DOCK1: variants seen among roughly 807,000 people sequenced by gnomAD.
DOCK1 encodes the protein dedicator of cytokinesis protein 1.
DOCK1 carries 138 observed loss-of-function variants against 262.7 expected under a neutral mutation model. The observed-to-expected ratio is 0.53, with a 90% CI of 0.46 to 0.61. The LOEUF (loss-of-function observed/expected upper bound fraction) is 0.61. Among genes scored for constraint, DOCK1 ranks in the 20% least tolerant of loss-of-function variants. DOCK1 has a pLI of 0.00. For synonymous variants in DOCK1, 866 were observed against 867.4 expected (o/e 1.00, Z 0.03); for missense variants, 1,908 against 2,370.7 (o/e 0.80, Z 4.05).
chr10:127,414,624 C>T (rs555953902), intron 43 of DOCK1, among the ~76,000 whole-genome samples: 1 of 152,228 alleles, frequency 6.6e-6, no homozygotes, highest in South Asian at 2.1e-4. Flanking sequence ...CTGCTCTTTC[C>T]ATATCTTTAT....
At chr10:127,261,731 G>T (rs990440207) in intron 29 of DOCK1, among the ~76,000 whole-genome samples, 3 of 129,574 alleles carry the variant, frequency 2.3e-5, no homozygotes, top group African/African-American at 6.0e-5. Flanking sequence ...GTGGGTGTGC[G>T]TGTGTGTACC....
At chr10:127,136,855 C>T (rs1048165053) in intron 27 of DOCK1, 1 of 152,452 alleles carries the variant, frequency 6.6e-6, no homozygotes, top group Non-Finnish European at 1.5e-5. Context: ...CAAAGCATAA[C>T]GAATTGTACA....
At chr10:127,186,111 G>A (rs1297308256) in intron 27 of DOCK1, among the ~76,000 whole-genome samples, 2 of 152,162 alleles carry the variant, frequency 1.3e-5, no homozygotes, top group African/African-American at 4.8e-5. Flanking sequence ...TGAATCACTG[G>A]CTTTCAGAGG....
intron 1 of DOCK1, among the ~76,000 whole-genome samples, chr10:126,942,855 A>G (rs1018595711): frequency 6.6e-6 from 1 of 152,312 alleles, no homozygotes; most frequent in Admixed American, 6.5e-5. Flanking sequence ...TACATGTTTC[A>G]TGACCTCAGT....
intron 27 of DOCK1, among the ~76,000 whole-genome samples, chr10:127,209,709 G>C (rs545316121): frequency 1.8e-4 from 28 of 152,318 alleles, no homozygotes; most frequent in Non-Finnish European, 3.5e-4. Context: ...ATCAGTAGGT[G>C]CTCCAGCAGA....
At chr10:126,945,483 G>C (rs1304105206) in intron 1 of DOCK1, among the ~76,000 whole-genome samples, 2 of 151,912 alleles carry the variant, frequency 1.3e-5, no homozygotes, top group Admixed American at 1.3e-4. Flanking sequence ...GAGAGAGAGA[G>C]AGAGAGTGCA....
intron 44 of DOCK1, among the ~76,000 whole-genome samples, chr10:127,416,909 C>T (rs1210620656): frequency 1.4e-4 from 5 of 36,012 alleles, no homozygotes; most frequent in East Asian, 7.6e-4. Flanking sequence ...GCAGGGTGCA[C>T]GTGGCTGGCC....
chr10:126,918,326 C>T (rs746813280), intron 1 of DOCK1, among the ~76,000 whole-genome samples: 9 of 152,378 alleles, frequency 5.9e-5, no homozygotes, highest in Non-Finnish European at 1.3e-4. Context: ...CTGCTGATGC[C>T]TGGGCTTGCA....
At chr10:127,281,596 T>C (rs1451963155) in intron 29 of DOCK1, among the ~76,000 whole-genome samples, 1 of 152,110 alleles carries the variant, frequency 6.6e-6, no homozygotes, top group African/African-American at 2.4e-5. Context: ...TCACCACATA[T>C]TAGAGATGAG....
chr10:127,153,865 ATGCACTGTTCC>A, intron 27 of DOCK1: 1 of 1,612,720 alleles, frequency 6.2e-7, no homozygotes, highest in African/African-American at 1.3e-5. Context: ...TAGATAATAC[ATGCACTGTTCC>A]TGCATGTGTC....
chr10:127,041,452 A>G (rs558678892), intron 19 of DOCK1, among the ~76,000 whole-genome samples: 1 of 152,256 alleles, frequency 6.6e-6, no homozygotes, highest in Non-Finnish European at 1.5e-5. Context: ...TAGACCGCAG[A>G]TTGTCTTTCC....
intron 6 of DOCK1, among the ~76,000 whole-genome samples, chr10:126,993,924 G>GT (rs2039987115): frequency 6.6e-6 from 1 of 152,208 alleles, no homozygotes; most frequent in Admixed American, 6.5e-5. Flanking sequence ...TCTCAGGGTA[G>GT]TTTTTTAGAT....
At chr10:127,024,941 T>C in intron 15 of DOCK1, 158 bp downstream of exon 15, 1 of 580,060 alleles carries the variant, frequency 1.7e-6, no homozygotes, top group Non-Finnish European at 3.0e-6. Flanking sequence ...GGAACCACAC[T>C]GGTGTTTCTT....
intron 27 of DOCK1, among the ~76,000 whole-genome samples, chr10:127,142,537 A>T (rs2051365430): frequency 6.6e-6 from 1 of 152,218 alleles, no homozygotes; most frequent in African/African-American, 2.4e-5. Context: ...AGCTGGAGCC[A>T]GGCCAGCCTT....
chr10:127,081,407 T>A (rs1306802453), intron 23 of DOCK1, among the ~76,000 whole-genome samples: 1 of 151,962 alleles, frequency 6.6e-6, no homozygotes, highest in Non-Finnish European at 1.5e-5. Flanking sequence ...TTCCTGCCTT[T>A]AGGAGTAGAC....
chr10:127,307,791 C>T (rs1472060390), intron 29 of DOCK1, among the ~76,000 whole-genome samples: 1 of 152,246 alleles, frequency 6.6e-6, no homozygotes, highest in African/African-American at 2.4e-5. Context: ...TCCTCTCTGT[C>T]TCCTTGGTCT....
intron 38 of DOCK1, among the ~76,000 whole-genome samples, chr10:127,393,083 C>T (rs1363045928): frequency 1.3e-5 from 2 of 152,200 alleles, no homozygotes; most frequent in East Asian, 1.9e-4. Context: ...GCACCAGGCT[C>T]ACGTCCTGAG....
chr10:127,122,779 T>TG (rs1257042129), intron 25 of DOCK1, among the ~76,000 whole-genome samples: 1 of 152,098 alleles, frequency 6.6e-6, no homozygotes, highest in African/African-American at 2.4e-5. Context: ...GTCCTCCAGG[T>TG]GGGGTGGATG....
chr10:127,085,272 C>T (rs1350200361), intron 23 of DOCK1, among the ~76,000 whole-genome samples: 1 of 152,132 alleles, frequency 6.6e-6, no homozygotes. Flanking sequence ...ACTTTTGAGC[C>T]CTCTGGTATG....
Sources: allele counts gnomAD v4.1 joint callset (sites outside exome capture counted in the v4.1 genomes callset), GRCh38; gene constraint gnomAD v4.1.1; transcripts MANE v1.5; gene names NCBI Gene and HGNC (gene_info 2026-07-23, HGNC 2026-07-21).